The following CFAP54 variants were observed in gnomAD, a reference collection of about 807,000 sequenced individuals.
CFAP54 encodes cilia and flagella associated protein 54, also known as cilia- and flagella-associated protein 54.
Under a neutral mutation model 370.4 loss-of-function variants are expected in CFAP54, and 290 were observed. The ratio of observed to expected loss-of-function variants is 0.78; its 90% confidence interval spans 0.71 to 0.86. The LOEUF (loss-of-function observed/expected upper bound fraction) is 0.86, where lower values mean the gene tolerates loss of function less well. Ranked by LOEUF, CFAP54 falls within the 40% of genes least tolerant of loss-of-function variation. CFAP54 has a pLI of 0.00. For missense variants in CFAP54, 3,399 were observed against 3,528.7 expected, an observed-to-expected ratio of 0.96 and a Z score of 0.93; for synonymous variants, 1,206 against 1,236.5, an observed-to-expected ratio of 0.98 and a Z score of 0.52.
intron 48 of CFAP54, among the ~76,000 whole-genome samples, chr12:96,709,704 A>G (rs865791411): frequency 7.0e-6 from 1 of 142,626 alleles, no homozygotes; most frequent in Non-Finnish European, 1.5e-5. Context: ...ATCATGGTTT[A>G]TTATTATTAT....
At chr12:96,860,281 C>T (rs956075085) in intron 66 of CFAP54, among the ~76,000 whole-genome samples, 1 of 151,914 alleles carries the variant, frequency 6.6e-6, no homozygotes, top group Non-Finnish European at 1.5e-5. Context: ...TTTTTGTTCT[C>T]TCTTCCCTGT....
chr12:96,792,316 G>T lies in CFAP54; in HGVS notation c.8680-13G>T. On this transcript the variant is annotated splice_polypyrimidine_tract_variant and intron_variant, in intron 62 of 67. Transcript: ENST00000524981. ...TACCAGTAATTAAACTGATGTTTTT[G>T]TTTGTTCCCTAGTTGTATCGCGATA... 6.8e-7 allele frequency: 1 copy of T among 1,468,174 alleles called. No homozygotes were observed. Among genetic ancestry groups the T allele is most frequent in the Admixed American group, 2.5e-5 (1 of 40,376 alleles). The allele number at this position is 1,468,174 out of a possible 1,614,324, so 90.9% of individuals were successfully genotyped here.
intron 36 of CFAP54, among the ~76,000 whole-genome samples, chr12:96,652,737 G>A (rs1284184165): frequency 6.6e-6 from 1 of 152,100 alleles, no homozygotes; most frequent in Non-Finnish European, 1.5e-5. Context: ...ACATGTACCC[G>A]TCTACCAGGA....
At chr12:96,804,645 C>A (rs1958858489) in intron 63 of CFAP54, among the ~76,000 whole-genome samples, 2 of 151,538 alleles carry the variant, frequency 1.3e-5, no homozygotes, top group South Asian at 4.2e-4. Context: ...AACATTCCAT[C>A]TTCATGGTTT....
chr12:96,773,329 A>G (rs1423325101), intron 60 of CFAP54, among the ~76,000 whole-genome samples: 1 of 152,196 alleles, frequency 6.6e-6, no homozygotes, highest in African/African-American at 2.4e-5. Context: ...TTCTGCCAGA[A>G]TCACACCAGC....
intron 60 of CFAP54, among the ~76,000 whole-genome samples, chr12:96,779,988 TG>T (rs1212026781): frequency 6.6e-6 from 1 of 152,142 alleles, no homozygotes; most frequent in African/African-American, 2.4e-5. Context: ...GCATAGTTTT[TG>T]GGGGTGAACT....
rs115742269 is a variant in CFAP54, at chr12:96,684,747, G to A, written c.5804+12G>A. ...GCAGAAAAGAAAAGGTAGATTTTTAGAAGTCTGTAGAACAAGGGCAAAGGT... is the reference window on the plus strand; with the variant it reads ...GCAGAAAAGAAAAGGTAGATTTTTAAAAGTCTGTAGAACAAGGGCAAAGGT... On this transcript the variant is annotated intron_variant, in intron 41 of 67. Transcript: ENST00000524981. 1.2e-3 allele frequency: 1,964 copies of A among 1,592,462 alleles called. 17 individuals carry two copies. The African/African-American group carries it at 0.023, about 18-fold the overall frequency.
intron 40 of CFAP54, among the ~76,000 whole-genome samples, chr12:96,681,755 A>G (rs1957275198): frequency 6.6e-6 from 1 of 152,044 alleles, no homozygotes; most frequent in South Asian, 2.1e-4. Flanking sequence ...GACATGCGCC[A>G]CCACGCCCGG....
At chr12:96,571,103 C>T (rs1454085454) in intron 19 of CFAP54, among the ~76,000 whole-genome samples, 1 of 152,090 alleles carries the variant, frequency 6.6e-6, no homozygotes, top group Non-Finnish European at 1.5e-5. Flanking sequence ...TAGTTGATTA[C>T]ATATGTCTTA....
chr12:96,603,140 A>G (rs1466363302), intron 26 of CFAP54, among the ~76,000 whole-genome samples: 1 of 152,146 alleles, frequency 6.6e-6, no homozygotes, highest in East Asian at 1.9e-4. Flanking sequence ...GAGCTCTTGT[A>G]AGGGAGGCCT....
At chr12:96,529,123 G>T (rs1424099399) in intron 9 of CFAP54, among the ~76,000 whole-genome samples, 1 of 152,172 alleles carries the variant, frequency 6.6e-6, no homozygotes, top group Admixed American at 6.5e-5. Context: ...AGCACATTAT[G>T]TATTATTTGG....
At chr12:96,726,609 A>G (rs1957841538) in intron 50 of CFAP54, among the ~76,000 whole-genome samples, 1 of 151,108 alleles carries the variant, frequency 6.6e-6, no homozygotes, top group South Asian at 2.1e-4. Flanking sequence ...AATTTTGTTG[A>G]TCCTTTCAAA....
At chr12:96,748,718 T>A (rs530477973) in intron 55 of CFAP54, among the ~76,000 whole-genome samples, 1 of 152,368 alleles carries the variant, frequency 6.6e-6, no homozygotes, top group East Asian at 1.9e-4. Context: ...AGTGTCAGTC[T>A]AATTTTCATT....
chr12:96,768,019 A>G (rs1958417374), intron 60 of CFAP54, among the ~76,000 whole-genome samples: 1 of 152,098 alleles, frequency 6.6e-6, no homozygotes, highest in Non-Finnish European at 1.5e-5. Flanking sequence ...ATACCCTGAA[A>G]TGATAGACAT....
chr12:96,547,309 T>G (rs573408584), intron 14 of CFAP54, among the ~76,000 whole-genome samples: 1 of 152,248 alleles, frequency 6.6e-6, no homozygotes, highest in African/African-American at 2.4e-5. Context: ...CCTCAGCACC[T>G]CCCAGTAGCT....
intron 8 of CFAP54, among the ~76,000 whole-genome samples, chr12:96,524,408 C>T (rs1955352177): frequency 6.6e-6 from 1 of 152,042 alleles, no homozygotes; most frequent in Non-Finnish European, 1.5e-5. Context: ...ATGTTGCTGG[C>T]AGGTAGAAAG....
intron 56 of CFAP54, among the ~76,000 whole-genome samples, chr12:96,755,693 A>G (rs1319921115): frequency 1.5e-5 from 2 of 131,040 alleles, no homozygotes; most frequent in Non-Finnish European, 3.1e-5. Flanking sequence ...TTTGAGACTA[A>G]GTCTCACTCT....
At chr12:96,754,467 G>A (rs545521810) in intron 56 of CFAP54, among the ~76,000 whole-genome samples, 1 of 152,304 alleles carries the variant, frequency 6.6e-6, no homozygotes, top group Admixed American at 6.5e-5. Flanking sequence ...GCTGTATTCA[G>A]TATGTTCAAT....
At chr12:96,733,894 G>A (rs1029256845) in intron 50 of CFAP54, among the ~76,000 whole-genome samples, 1 of 152,158 alleles carries the variant, frequency 6.6e-6, no homozygotes, top group Non-Finnish European at 1.5e-5. Context: ...AATGGAATGG[G>A]TACCACTTTC....
Sources: allele counts gnomAD v4.1 joint callset (sites outside exome capture counted in the v4.1 genomes callset), GRCh38; gene constraint gnomAD v4.1.1; transcripts MANE v1.5; gene names NCBI Gene and HGNC (gene_info 2026-07-23, HGNC 2026-07-21).